The following HEATR5A variants were observed in gnomAD, a reference collection of about 807,000 sequenced individuals.
The protein encoded by HEATR5A is HEAT repeat-containing protein 5A.
Under a neutral mutation model 218.8 loss-of-function variants are expected in HEATR5A, and 178 were observed. The observed-to-expected ratio is 0.81, with a 90% CI of 0.72 to 0.92. The LOEUF (loss-of-function observed/expected upper bound fraction) is 0.92. HEATR5A is among the 40% of genes least tolerant of loss of function. The probability of loss-of-function intolerance (pLI) is 0.00; values close to 1 mark genes in which losing one functional copy is unlikely to be tolerated. For missense variants in HEATR5A, 2,420 were observed against 2,418.9 expected (o/e 1.00, Z -0.01); for synonymous variants, 864 against 871.6 (o/e 0.99, Z 0.15).
At chr14:31,377,485 T>C (rs996515880) in intron 11 of HEATR5A, among the ~76,000 whole-genome samples, 2 of 152,094 alleles carry the variant, frequency 1.3e-5, no homozygotes, top group Admixed American at 1.3e-4. Context: ...AAATTGATAA[T>C]AGCCTGGGTG....
intron 32 of HEATR5A, among the ~76,000 whole-genome samples, chr14:31,304,382 G>A (rs568132344): frequency 5.9e-5 from 9 of 152,088 alleles, no homozygotes; most frequent in African/African-American, 1.9e-4. Context: ...AATCATAGAA[G>A]AGCATATCTA....
At chr14:31,362,402 G>C (rs1245116218) in intron 14 of HEATR5A, among the ~76,000 whole-genome samples, 1 of 148,472 alleles carries the variant, frequency 6.7e-6, no homozygotes, top group African/African-American at 2.5e-5. Context: ...GAAAATCCAA[G>C]TTAAAAAAAA....
At chr14:31,391,593 G>A (rs192560273) in intron 6 of HEATR5A, among the ~76,000 whole-genome samples, 1 of 152,234 alleles carries the variant, frequency 6.6e-6, no homozygotes, top group East Asian at 1.9e-4. Context: ...TACAGTGTTT[G>A]TAACATCTAC....
rs1166466818 is a variant in HEATR5A, at chr14:31,393,965, G to A, written c.772+87C>T. The stretch of plus-strand genomic sequence containing the variant: ...GCCTGGCCTGAAATTGATTTATAAC[G>A]GGTAGCAATAACACTATACATATTT... On this transcript the variant is annotated intron_variant, in intron 6 of 35. Transcript: ENST00000543095. The A allele has an allele frequency of 4.6e-5, 41 of 884,788 alleles. No homozygotes were observed. In the East Asian group the frequency reaches 9.1e-4, roughly 20 times the overall value. The allele number at this position is 884,788 out of a possible 1,614,324, so 54.8% of individuals were successfully genotyped here. A position where few individuals can be genotyped will look rare whatever the true frequency, so the allele number is the denominator to read the frequency against.
At position 31,308,899 on chromosome 14, in the gene HEATR5A, TAAGGTTGTAAACTTGTAAA is replaced by T; in HGVS notation, c.4690+16_4690+34del. On this transcript the variant is annotated intron_variant, in intron 29 of 35. Transcript: ENST00000543095. ...CAAAAAAAAAAAAACAAAAAACCCC[TAAGGTTGTAAACTTGTAAA>T]AGTGGTTTAACTGACCTAAAATAAG... The T allele has an allele frequency of 6.5e-7, 1 of 1,533,916 alleles. No individual in the cohort carries two copies. The highest frequency in any genetic ancestry group is 8.8e-7 in the Non-Finnish European group (1 of 1,130,300).
chr14:31,296,308 C>A, intron 33 of HEATR5A: 1 of 362,586 alleles, frequency 2.8e-6, no homozygotes, highest in Non-Finnish European at 5.0e-6. Context: ...CATACATTTA[C>A]TAGGAATACA....
intron 4 of HEATR5A, among the ~76,000 whole-genome samples, chr14:31,396,588 C>A (rs1313451201): frequency 6.6e-6 from 1 of 152,206 alleles, no homozygotes; most frequent in Non-Finnish European, 1.5e-5. Flanking sequence ...CATCAAGAAT[C>A]ATTTCATAGT....
chr14:31,314,692 C>T (rs1403666756), intron 27 of HEATR5A, among the ~76,000 whole-genome samples: 1 of 152,182 alleles, frequency 6.6e-6, no homozygotes, highest in African/African-American at 2.4e-5. Flanking sequence ...TGAGCCACTG[C>T]ACCTGGCCAG....
At chr14:31,379,801 T>G (rs1188597630) in intron 11 of HEATR5A, among the ~76,000 whole-genome samples, 1 of 152,002 alleles carries the variant, frequency 6.6e-6, no homozygotes, top group African/African-American at 2.4e-5. Context: ...AAAAAAAATT[T>G]TTTTAAATTA....
At chr14:31,380,721 T>C in intron 10 of HEATR5A, 143 bp from the exon 11 acceptor site, 2 of 614,564 alleles carry the variant, frequency 3.3e-6, no homozygotes, top group Admixed American at 2.9e-5. Flanking sequence ...GTAGACTACA[T>C]AATAGGACTG....
chr14:31,326,660 G>A (rs1469560515), intron 22 of HEATR5A, among the ~76,000 whole-genome samples: 3 of 151,572 alleles, frequency 2.0e-5, no homozygotes, highest in African/African-American at 7.3e-5. Flanking sequence ...TTCTTTATTC[G>A]AGACAGAATT....
intron 1 of HEATR5A, among the ~76,000 whole-genome samples, chr14:31,406,519 CATTG>C (rs2031066724): frequency 6.6e-6 from 1 of 152,208 alleles, no homozygotes; most frequent in Non-Finnish European, 1.5e-5. Context: ...CAGATGAGGA[CATTG>C]AAGCACAGAG....
intron 1 of HEATR5A, among the ~76,000 whole-genome samples, chr14:31,412,450 G>A (rs2031307428): frequency 6.6e-6 from 1 of 151,090 alleles, no homozygotes; most frequent in African/African-American, 2.4e-5. Flanking sequence ...AAAATTAGCT[G>A]GGCGTGGTGG....
intron 22 of HEATR5A, among the ~76,000 whole-genome samples, chr14:31,331,645 TAA>T (rs1199526938): frequency 6.6e-6 from 1 of 152,216 alleles, no homozygotes; most frequent in East Asian, 1.9e-4. Flanking sequence ...CACACTGCTA[TAA>T]AGAGATACCT....
At chr14:31,347,693 T>C (rs769060310) in intron 19 of HEATR5A, 55 bp downstream of exon 19, 1 of 1,315,182 alleles carries the variant, frequency 7.6e-7, no homozygotes, top group Admixed American at 2.8e-5. Flanking sequence ...ATAAACACAA[T>C]CTGCATCATC....
At chr14:31,379,676 GT>G (rs2029904406) in intron 11 of HEATR5A, among the ~76,000 whole-genome samples, 2 of 152,140 alleles carry the variant, frequency 1.3e-5, no homozygotes, top group Admixed American at 1.3e-4. Context: ...AATAAATAAA[GT>G]TTTCAGTGGC....
At chr14:31,395,429 T>C (rs1320817965) in intron 4 of HEATR5A, 81 bp from the exon 5 acceptor site, 3 of 682,606 alleles carry the variant, frequency 4.4e-6, no homozygotes, top group African/African-American at 1.8e-5. Flanking sequence ...CTGTCTCTCA[T>C]ACTGAAGAAA....
chr14:31,388,704 G>T (rs2030330885), intron 7 of HEATR5A, 141 bp downstream of exon 7: 1 of 557,288 alleles, frequency 1.8e-6, no homozygotes, highest in Non-Finnish European at 3.1e-6. Context: ...AAAATGTTTT[G>T]GCCTTACCAT....
intron 33 of HEATR5A, among the ~76,000 whole-genome samples, chr14:31,299,381 C>T (rs911166692): frequency 2.6e-5 from 4 of 152,146 alleles, no homozygotes; most frequent in Non-Finnish European, 5.9e-5. Flanking sequence ...CTGCCAAGAG[C>T]GAACCTTTAG....
Sources: gnomAD v4.1 joint callset for allele counts (sites outside exome capture counted in the v4.1 genomes callset) on GRCh38, gnomAD v4.1.1 for gene constraint, MANE v1.5 for transcripts, NCBI Gene and HGNC (gene_info 2026-07-23, HGNC 2026-07-21) for gene names.